The following MED12L variants were observed in gnomAD, a reference collection of about 807,000 sequenced individuals.
MED12L encodes the protein mediator of RNA polymerase II transcription subunit 12-like protein.
A neutral mutation model predicts 281.3 loss-of-function variants in MED12L; 60 were observed. The observed-to-expected ratio is 0.21, with a 90% confidence interval of 0.17 to 0.26. The LOEUF is 0.26. Ranked by LOEUF, MED12L falls within the 10% of genes least tolerant of loss-of-function variation. The probability of loss-of-function intolerance (pLI) is 1.00; values close to 1 mark genes in which losing one functional copy is unlikely to be tolerated. For synonymous variants in MED12L, 974 were observed against 987.2 expected (o/e 0.99, Z 0.25); for missense variants, 2,146 against 2,680.9 (o/e 0.80, Z 4.41).
At chr3:151,225,166 C>G (rs1225952385) in intron 16 of MED12L, among the ~76,000 whole-genome samples, 1 of 152,164 alleles carries the variant, frequency 6.6e-6, no homozygotes, top group African/African-American at 2.4e-5. Flanking sequence ...TCCTATGTTT[C>G]TAAGTCATAG....
chr3:151,246,374 T>G (rs1425616172), intron 16 of MED12L, among the ~76,000 whole-genome samples: 1 of 151,892 alleles, frequency 6.6e-6, no homozygotes, highest in African/African-American at 2.4e-5. Context: ...CAAACTATAC[T>G]ACAAGGCTAC....
intron 2 of MED12L, among the ~76,000 whole-genome samples, chr3:151,109,823 G>A (rs1711593173): frequency 6.6e-6 from 1 of 152,188 alleles, no homozygotes; most frequent in South Asian, 2.1e-4. Context: ...TTGTACAACA[G>A]GAAGATGTGC....
intron 26 of MED12L, among the ~76,000 whole-genome samples, chr3:151,372,000 G>A (rs1374019227): frequency 6.6e-6 from 1 of 152,140 alleles, no homozygotes; most frequent in African/African-American, 2.4e-5. Flanking sequence ...AAAAAACAGG[G>A]GTTATTCAAT....
At chr3:151,348,012 A>T (rs1261579406) in intron 16 of MED12L, among the ~76,000 whole-genome samples, 2 of 152,130 alleles carry the variant, frequency 1.3e-5, no homozygotes, top group African/African-American at 4.8e-5. Context: ...GCTTTCCTTC[A>T]CCACCCCTCT....
At chr3:151,314,271 GTTAA>G (rs1747943521) in intron 16 of MED12L, among the ~76,000 whole-genome samples, 1 of 152,180 alleles carries the variant, frequency 6.6e-6, no homozygotes, top group African/African-American at 2.4e-5. Flanking sequence ...AACAAAATAT[GTTAA>G]TTAGGTACAA....
intron 43 of MED12L, among the ~76,000 whole-genome samples, chr3:151,418,669 C>G (rs1021866588): frequency 1.3e-5 from 2 of 152,072 alleles, no homozygotes; most frequent in African/African-American, 4.8e-5. Flanking sequence ...TTTTGTGTGT[C>G]TTGTGTCTGA....
At chr3:151,295,307 G>T in intron 16 of MED12L, 1 of 728,540 alleles carries the variant, frequency 1.4e-6, no homozygotes, top group Non-Finnish European at 2.3e-6. Flanking sequence ...GTTATTTCAG[G>T]TGAACTTAAA....
chr3:151,179,339 A>C (rs758406685), intron 11 of MED12L, among the ~76,000 whole-genome samples: 2 of 152,172 alleles, frequency 1.3e-5, no homozygotes, highest in Non-Finnish European at 2.9e-5. Context: ...GACCGAAAAA[A>C]AAAAGGGCGG....
At chr3:151,266,788 A>G (rs1360853869) in intron 16 of MED12L, among the ~76,000 whole-genome samples, 3 of 152,194 alleles carry the variant, frequency 2.0e-5, no homozygotes, top group African/African-American at 7.2e-5. Flanking sequence ...AAGAAAGACT[A>G]AGGTCAGAGC....
At chr3:151,282,695 C>A (rs893911104) in intron 16 of MED12L, among the ~76,000 whole-genome samples, 3 of 152,034 alleles carry the variant, frequency 2.0e-5, no homozygotes, top group African/African-American at 7.2e-5. Flanking sequence ...TGATGTGAGC[C>A]AAGGTTTAAT....
At chr3:151,416,274 T>C (rs773098209) in intron 42 of MED12L, 38 bp from the exon 43 acceptor site, 3 of 1,612,314 alleles carry the variant, frequency 1.9e-6, no homozygotes, top group African/African-American at 1.3e-5. Flanking sequence ...TGTTTTCTTC[T>C]TCCTTTTAAG....
chr3:151,165,999 T>A lies in MED12L; in HGVS notation c.1494+17T>A, dbSNP rs199837723. 1.2e-4 allele frequency: 195 copies of A among 1,585,798 alleles called. No individual in the cohort carries two copies. Among genetic ancestry groups the A allele is most frequent in the Admixed American group, 2.6e-4 (14 of 54,464 alleles). ...AACCAAGAGGTAGTTAATTTTTTTT[T>A]AATTCTTTTCACCTTTTATTTTCAT... On this transcript the variant is annotated intron_variant, in intron 11 of 44. Transcript: ENST00000687756.
chr3:151,257,357 A>G (rs559256646), intron 16 of MED12L, among the ~76,000 whole-genome samples: 1 of 152,280 alleles, frequency 6.6e-6, no homozygotes, highest in African/African-American at 2.4e-5. Context: ...GTTTTTTTAA[A>G]TTGTTTATGT....
chr3:151,262,089 T>A (rs1739030200), intron 16 of MED12L, among the ~76,000 whole-genome samples: 1 of 152,202 alleles, frequency 6.6e-6, no homozygotes, highest in Admixed American at 6.5e-5. Flanking sequence ...ACTACTATTT[T>A]TTAATAGCTT....
At chr3:151,146,289 C>G (rs942092434) in intron 5 of MED12L, among the ~76,000 whole-genome samples, 33 of 152,192 alleles carry the variant, frequency 2.2e-4, no homozygotes, top group African/African-American at 7.5e-4. Context: ...TTCCTGCCAT[C>G]TGCATTGCCT....
chr3:151,164,783 A>G (rs1226314296), intron 9 of MED12L, among the ~76,000 whole-genome samples: 3 of 151,712 alleles, frequency 2.0e-5, no homozygotes, highest in African/African-American at 7.3e-5. Context: ...GTTCTCACTC[A>G]TAGGTGGGAA....
rs910086595 is a variant in MED12L, at chr3:151,085,683, C to A, written c.-383C>A. ...CTGGGCATGCTCAGTGCGGACGCCG[C>A]GCCGCCGTCCGCCAACTCGGAAGCT... On this transcript the variant is annotated 5_prime_UTR_variant, in exon 1 of 45. Transcript: ENST00000687756. The A allele has an allele frequency of 3.3e-5, 5 of 152,040 alleles. No homozygotes were observed. Among genetic ancestry groups the A allele is most frequent in the Non-Finnish European group, 5.9e-5 (4 of 67,964 alleles). The allele number at this position is 152,040 out of a possible 1,614,324, so 9.4% of individuals were successfully genotyped here.
Position 151,380,242 on chromosome 3 carries a change from A to G in MED12L, c.4590+18A>G. On this transcript the variant is annotated intron_variant, in intron 32 of 44. Coordinates refer to ENST00000687756, the MANE Select transcript of MED12L (RefSeq NM_001393769.1). ...TTAACCAGGTAAAGTATAGTATAAT[A>G]TTAAGACAGGCAAATATCTTTCTAA... 3 of 1,453,874 alleles carry G rather than the reference A, an allele frequency of 2.1e-6. No individual in the cohort carries two copies. The highest frequency in any genetic ancestry group is 2.3e-5 in the East Asian group (1 of 43,334). 90.1% of individuals were successfully genotyped at this position (1,453,874 alleles called of 1,614,324 possible).
chr3:151,186,209 C>A (rs1176309904), intron 12 of MED12L, among the ~76,000 whole-genome samples: 3 of 152,240 alleles, frequency 2.0e-5, no homozygotes, highest in East Asian at 3.9e-4. Context: ...TCTAAGCAGG[C>A]CTTCCTTTCT....
Sources: gnomAD v4.1 joint callset for allele counts (sites outside exome capture counted in the v4.1 genomes callset) on GRCh38, gnomAD v4.1.1 for gene constraint, MANE v1.5 for transcripts, NCBI Gene and HGNC (gene_info 2026-07-23, HGNC 2026-07-21) for gene names.